The following TMCO1 variants were observed in gnomAD, a reference collection of about 807,000 sequenced individuals.
TMCO1 encodes the protein calcium load-activated calcium channel.
A neutral mutation model predicts 29.3 loss-of-function variants in TMCO1; 29 were observed. The observed-to-expected ratio is 0.99, with a 90% confidence interval of 0.74 to 1.35. The LOEUF is 1.35. Among genes scored for constraint, TMCO1 ranks in the 40% most tolerant of loss-of-function variants. TMCO1 has a pLI of 0.00. For synonymous variants in TMCO1, 80 were observed against 77.1 expected, an observed-to-expected ratio of 1.04 and a Z score of -0.20; for missense variants, 173 against 225.5, an observed-to-expected ratio of 0.77 and a Z score of 1.49.
chr1:165,768,881 A>G, upstream of TMCO1: 1 of 1,555,512 alleles, frequency 6.4e-7, no homozygotes, highest in South Asian at 1.2e-5. Flanking sequence ...CAGCCCGAAG[A>G]TCGCACTTCC....
In TMCO1 at chr1:165,737,425, CAGA is replaced by C. The variant is rs569209085; in HGVS notation, c.468+5739_468+5741del. 5.9e-5 allele frequency among the ~76,000 whole-genome samples: 9 copies of C among 152,066 alleles called. No homozygotes were observed. The East Asian group carries it at 1.3e-3, about 23-fold the overall frequency. On this transcript the variant is annotated intron_variant, in intron 6 of 6. Coordinates refer to ENST00000367881, the MANE Select transcript of TMCO1 (RefSeq NM_019026.6). The stretch of plus-strand genomic sequence containing the variant: ...ACTAATATATAAGCAACTGGTGTTC[CAGA>C]AGAAGAAGAGAGAGAGAATGAGGCA...
At chr1:165,730,090 G>A (rs1475946845) in intron 6 of TMCO1, among the ~76,000 whole-genome samples, 1 of 151,548 alleles carries the variant, frequency 6.6e-6, no homozygotes, top group African/African-American at 2.4e-5. Context: ...GGGAGGCCGA[G>A]GCGGGCGGAT....
At chr1:165,740,953 G>A (rs1013621422) in intron 6 of TMCO1, among the ~76,000 whole-genome samples, 1 of 152,182 alleles carries the variant, frequency 6.6e-6, no homozygotes, top group Non-Finnish European at 1.5e-5. Context: ...GTGGTATACT[G>A]TTACAGCAAC....
chr1:165,766,998 T>C (rs1438233716), intron 2 of TMCO1, among the ~76,000 whole-genome samples: 1 of 152,230 alleles, frequency 6.6e-6, no homozygotes, highest in East Asian at 1.9e-4. Flanking sequence ...TAATCAACAC[T>C]GAGTAAATTA....
chr1:165,743,711 T>C (rs1651686368), intron 5 of TMCO1, among the ~76,000 whole-genome samples: 1 of 152,102 alleles, frequency 6.6e-6, no homozygotes, highest in Admixed American at 6.6e-5. Context: ...TGGAGTGCAG[T>C]GGCACAATCT....
At chr1:165,768,509 A>G in intron 1 of TMCO1, 173 bp downstream of exon 1, 1 of 1,547,952 alleles carries the variant, frequency 6.5e-7, no homozygotes, top group Non-Finnish European at 8.7e-7. Context: ...TCGGCAATCG[A>G]CTCCATACTC....
chr1:165,746,004 A>G (rs112084996), intron 5 of TMCO1, among the ~76,000 whole-genome samples: 2,022 of 152,296 alleles, frequency 0.013, 53 homozygotes, highest in African/African-American at 0.047. Context: ...AAAGAAGGCC[A>G]GGAGCGGTGG....
intron 6 of TMCO1, among the ~76,000 whole-genome samples, chr1:165,728,361 A>G (rs536580311): frequency 1.3e-5 from 2 of 151,338 alleles, no homozygotes; most frequent in South Asian, 4.2e-4. Flanking sequence ...GGTTCACGTC[A>G]TTCTCCTGCC....
At chr1:165,725,870 GA>G, downstream of TMCO1, 1 of 527,694 alleles carries the variant, frequency 1.9e-6, no homozygotes, top group Non-Finnish European at 3.6e-6. Context: ...AACATATTTG[GA>G]AAAAAATTTA....
intron 4 of TMCO1, among the ~76,000 whole-genome samples, chr1:165,753,504 GC>G (rs1652075880): frequency 6.7e-6 from 1 of 149,900 alleles, no homozygotes; most frequent in Admixed American, 6.7e-5. Flanking sequence ...AAAAGACTTG[GC>G]AGGGTGCAGT....
chr1:165,728,029 G>T lies in TMCO1; in HGVS notation c.561C>A (p.Phe187Leu). The T allele has an allele frequency of 8.7e-6, 14 of 1,605,860 alleles. No individual in the cohort carries two copies. Among genetic ancestry groups the T allele is most frequent in the Non-Finnish European group, 1.2e-5 (14 of 1,174,542 alleles). Residue 187 changes from phenylalanine (F) to leucine (L), a missense_variant, in exon 7 of 7, where the codon TTC becomes TTA. By Grantham distance (22) the Phe-to-Leu change is conservative. Coordinates refer to ENST00000367881, the MANE Select transcript of TMCO1 (RefSeq NM_019026.6). ...FLGPPPPSGK[F>L]S ...AAATAAAGAGTTCTTGAGTTCAAGA[G>T]AACTTCCCAGAAGGAGGTGGTGGGC...
At position 165,768,177 on chromosome 1, in the gene TMCO1, T is replaced by G; in HGVS notation, c.148+15A>C. The G allele has an allele frequency of 1.3e-6, 2 of 1,599,270 alleles. No individual in the cohort carries two copies. Among genetic ancestry groups the G allele is most frequent in the Non-Finnish European group, 8.6e-7 (1 of 1,166,418 alleles). On this transcript the variant is annotated intron_variant, in intron 2 of 6. Coordinates refer to ENST00000367881, the MANE Select transcript of TMCO1 (RefSeq NM_019026.6). Reference sequence around the variant, plus strand: ...TGACGTGTTGAAATTATTTCTAATGTGTTGCCATACTCACATTTTTTACTC... The same window carrying G: ...TGACGTGTTGAAATTATTTCTAATGGGTTGCCATACTCACATTTTTTACTC...
chr1:165,732,421 G>A (rs1651200935), intron 6 of TMCO1, among the ~76,000 whole-genome samples: 1 of 144,422 alleles, frequency 6.9e-6, no homozygotes, highest in Non-Finnish European at 1.5e-5. Context: ...AAAAAATCGT[G>A]TAACAGGCCT....
At chr1:165,740,448 G>A (rs551866496) in intron 6 of TMCO1, among the ~76,000 whole-genome samples, 24 of 151,670 alleles carry the variant, frequency 1.6e-4, no homozygotes, top group Non-Finnish European at 3.2e-4. Context: ...CTCATGATCC[G>A]CCCGCCTCGA....
At chr1:165,725,098 A>C (rs984104042), downstream of TMCO1, 2 of 402,336 alleles carry the variant, frequency 5.0e-6, no homozygotes, top group African/African-American at 4.3e-5. Context: ...TCATTCTAAA[A>C]TTTTTTAAAA....
At chr1:165,728,818 C>T (rs999982120) in intron 6 of TMCO1, among the ~76,000 whole-genome samples, 18 of 151,530 alleles carry the variant, frequency 1.2e-4, no homozygotes, top group African/African-American at 1.7e-4. Context: ...CAGTTTCGGC[C>T]GGGTGTGGTG....
intron 4 of TMCO1, among the ~76,000 whole-genome samples, chr1:165,753,513 A>G (rs1652076121): frequency 6.8e-6 from 1 of 147,814 alleles, no homozygotes; most frequent in Admixed American, 6.8e-5. Context: ...GGCAGGGTGC[A>G]GTGGCTCACG....
chr1:165,747,390 A>G (rs980840792), intron 5 of TMCO1, among the ~76,000 whole-genome samples: 2 of 152,166 alleles, frequency 1.3e-5, no homozygotes, highest in Non-Finnish European at 2.9e-5. Context: ...TATAAAATAG[A>G]CTTGGCAGAA....
intron 4 of TMCO1, among the ~76,000 whole-genome samples, chr1:165,752,543 T>C (rs1373167494): frequency 6.6e-6 from 1 of 151,522 alleles, no homozygotes; most frequent in African/African-American, 2.4e-5. Flanking sequence ...GCGTGAGCCA[T>C]TGCGCCCAGC....
Sources: gnomAD v4.1 joint callset for allele counts (sites outside exome capture counted in the v4.1 genomes callset) on GRCh38, gnomAD v4.1.1 for gene constraint, MANE v1.5 for transcripts, NCBI Gene and HGNC (gene_info 2026-07-23, HGNC 2026-07-21) for gene names.